Variants in SND1 observed in about 807,000 individuals in gnomAD.
SND1 encodes the protein staphylococcal nuclease and tudor domain containing 1.
A neutral mutation model predicts 121.7 loss-of-function variants in SND1; 38 were observed. That is an observed-to-expected ratio of 0.31 (90% CI 0.24 to 0.41). The LOEUF (loss-of-function observed/expected upper bound fraction) is 0.41. Ranked by LOEUF, SND1 falls within the 10% of genes least tolerant of loss-of-function variation. The probability of loss-of-function intolerance (pLI) is 1.00; values close to 1 mark genes in which losing one functional copy is unlikely to be tolerated. For missense variants in SND1, 868 were observed against 1,184.6 expected, an observed-to-expected ratio of 0.73 and a Z score of 3.92; for synonymous variants, 401 against 447.4, an observed-to-expected ratio of 0.90 and a Z score of 1.31.
At chr7:128,027,765 G>C (rs899822169) in intron 16 of SND1, 1 of 152,146 alleles carries the variant, frequency 6.6e-6, no homozygotes, top group African/African-American at 2.4e-5. Context: ...CTAATTTATG[G>C]CCTCCTGTGA....
chr7:127,903,754 C>T (rs1163369185), intron 13 of SND1, among the ~76,000 whole-genome samples: 4 of 152,154 alleles, frequency 2.6e-5, no homozygotes, highest in Non-Finnish European at 5.9e-5. Context: ...TGAGTGAGTT[C>T]CTGAAAGGGA....
chr7:127,821,484 A>G (rs1002189876), intron 11 of SND1, among the ~76,000 whole-genome samples: 1 of 152,100 alleles, frequency 6.6e-6, no homozygotes, highest in Admixed American at 6.5e-5. Context: ...CTCCAGGTTG[A>G]TGGGTACCAG....
At chr7:127,858,398 C>T in intron 12 of SND1, 1 of 1,256,004 alleles carries the variant, frequency 8.0e-7, no homozygotes, top group Non-Finnish European at 1.1e-6. Flanking sequence ...CTCCAAAAGT[C>T]CCTCCAAGAA....
intron 14 of SND1, 48 bp downstream of exon 14, chr7:127,904,867 C>T (rs753060375): frequency 1.1e-5 from 13 of 1,166,702 alleles, no homozygotes; most frequent in East Asian, 2.3e-5. Context: ...GGCTCAAGAG[C>T]GTGTCTGCAT....
chr7:127,686,554 C>G, intron 1 of SND1, 59 bp from the exon 2 acceptor site: 1 of 1,553,940 alleles, frequency 6.4e-7, no homozygotes, highest in Non-Finnish European at 8.8e-7. Context: ...GGTACACAAC[C>G]TGCATTATGG....
At chr7:128,038,341 T>A (rs1362063464) in intron 16 of SND1, among the ~76,000 whole-genome samples, 6 of 152,240 alleles carry the variant, frequency 3.9e-5, no homozygotes, top group African/African-American at 1.4e-4. Flanking sequence ...AGACCTGAGT[T>A]TAAACCCCAG....
At chr7:127,745,371 T>C (rs1294567750) in intron 10 of SND1, among the ~76,000 whole-genome samples, 1 of 152,212 alleles carries the variant, frequency 6.6e-6, no homozygotes, top group Non-Finnish European at 1.5e-5. Context: ...TATAAGTGGT[T>C]CATTATTGAC....
At chr7:128,063,997 A>G (rs1348510722) in intron 16 of SND1, among the ~76,000 whole-genome samples, 1 of 152,262 alleles carries the variant, frequency 6.6e-6, no homozygotes, top group African/African-American at 2.4e-5. Flanking sequence ...TTAGTGGAGA[A>G]CAAGGAAAGG....
intron 12 of SND1, among the ~76,000 whole-genome samples, chr7:127,865,825 A>C (rs1799461507): frequency 6.6e-6 from 1 of 151,096 alleles, no homozygotes; most frequent in Non-Finnish European, 1.5e-5. Flanking sequence ...TATGTTGCCC[A>C]GACTGTGGTA....
chr7:128,087,225 C>A (rs1283531052), intron 21 of SND1, among the ~76,000 whole-genome samples, 174 bp downstream of exon 21: 1 of 152,146 alleles, frequency 6.6e-6, no homozygotes, highest in Non-Finnish European at 1.5e-5. Context: ...TTAGAGCATT[C>A]CAGCTAGTTC....
rs927449739 is a variant in SND1, at chr7:127,840,872, A to G, written c.1243-3452A>G. Among the ~76,000 whole-genome samples, 5 of 152,332 alleles carry G rather than the reference A, an allele frequency of 3.3e-5. 1 individual carries two copies. In the East Asian group the frequency reaches 9.6e-4, roughly 29 times the overall value. On this transcript the variant is annotated intron_variant, in intron 11 of 23. Coordinates refer to ENST00000354725, the MANE Select transcript of SND1 (RefSeq NM_014390.4). Reference sequence around the variant, plus strand: ...TTTTCTTTAATAATGTTGCATCCACAAATAACTGTTTAATCTCTGACTTAT... The same window carrying G: ...TTTTCTTTAATAATGTTGCATCCACGAATAACTGTTTAATCTCTGACTTAT...
intron 10 of SND1, among the ~76,000 whole-genome samples, chr7:127,738,845 G>A (rs561267658): frequency 6.6e-5 from 10 of 152,240 alleles, no homozygotes; most frequent in African/African-American, 2.4e-4. Flanking sequence ...CTCCAGGGTG[G>A]TCTCCCACTC....
At chr7:128,073,271 C>G (rs936382836) in intron 16 of SND1, among the ~76,000 whole-genome samples, 1 of 152,230 alleles carries the variant, frequency 6.6e-6, no homozygotes, top group Non-Finnish European at 1.5e-5. Flanking sequence ...TCCATTATCT[C>G]TTTTTCGTTA....
intron 11 of SND1, among the ~76,000 whole-genome samples, chr7:127,839,880 C>T (rs992944607): frequency 2.6e-5 from 4 of 152,188 alleles, no homozygotes; most frequent in Admixed American, 2.0e-4. Flanking sequence ...GCTCCTCCCC[C>T]AGTTCCTCCT....
intron 16 of SND1, among the ~76,000 whole-genome samples, chr7:128,022,709 C>A: frequency 8.2e-6 from 1 of 121,310 alleles, no homozygotes; most frequent in Non-Finnish European, 1.7e-5. Flanking sequence ...ACCCCACCCC[C>A]CTCCCCATGA....
chr7:127,801,344 C>T (rs945246740), intron 10 of SND1, among the ~76,000 whole-genome samples: 2 of 152,174 alleles, frequency 1.3e-5, no homozygotes, highest in African/African-American at 4.8e-5. Flanking sequence ...TTTTTGCATA[C>T]TTAATGTGTC....
intron 16 of SND1, among the ~76,000 whole-genome samples, chr7:128,037,542 T>G (rs1308455970): frequency 1.3e-5 from 2 of 152,226 alleles, no homozygotes; most frequent in Non-Finnish European, 2.9e-5. Flanking sequence ...ATTACAGTGA[T>G]AGAGCCAGGT....
chr7:127,726,152 A>G (rs574461978), intron 10 of SND1, among the ~76,000 whole-genome samples: 1 of 152,356 alleles, frequency 6.6e-6, no homozygotes, highest in Admixed American at 6.5e-5. Flanking sequence ...ACTGTGATCA[A>G]AGGAACTGTT....
intron 14 of SND1, among the ~76,000 whole-genome samples, chr7:127,906,855 T>C (rs1246305480): frequency 6.6e-6 from 1 of 152,210 alleles, no homozygotes; most frequent in African/African-American, 2.4e-5. Flanking sequence ...GATGCTTTTT[T>C]TATTCCTTTA....
Sources: allele counts gnomAD v4.1 joint callset (sites outside exome capture counted in the v4.1 genomes callset), GRCh38; gene constraint gnomAD v4.1.1; transcripts MANE v1.5; gene names NCBI Gene and HGNC (gene_info 2026-07-23, HGNC 2026-07-21).